The following KLHL1 variants were observed in gnomAD, a reference collection of about 807,000 sequenced individuals.
KLHL1 encodes kelch-like protein 1.
Under a neutral mutation model 77.7 loss-of-function variants are expected in KLHL1, and 47 were observed. The ratio of observed to expected loss-of-function variants is 0.60; its 90% CI spans 0.48 to 0.77. The LOEUF is 0.77. KLHL1 is among the 30% of genes least tolerant of loss of function. The pLI, the probability that KLHL1 is intolerant of heterozygous loss-of-function variation, is 0.00. For missense variants in KLHL1, 925 were observed against 910.8 expected, an observed-to-expected ratio of 1.02 and a Z score of -0.20; for synonymous variants, 360 against 325.2, an observed-to-expected ratio of 1.11 and a Z score of -1.15.
chr13:69,733,941 G>A (rs1873660752), intron 8 of KLHL1, among the ~76,000 whole-genome samples: 1 of 152,122 alleles, frequency 6.6e-6, no homozygotes, highest in Non-Finnish European at 1.5e-5. Flanking sequence ...GGAAACAACT[G>A]AAATATCCAA....
chr13:69,735,225 C>T (rs1489612267), intron 8 of KLHL1, among the ~76,000 whole-genome samples: 1 of 151,644 alleles, frequency 6.6e-6, no homozygotes, highest in Non-Finnish European at 1.5e-5. Context: ...CAATAAAATA[C>T]TGCCTTTAAC....
intron 3 of KLHL1, among the ~76,000 whole-genome samples, chr13:69,954,563 G>A (rs879850429): frequency 7.3e-5 from 11 of 151,174 alleles, no homozygotes; most frequent in Non-Finnish European, 1.5e-4. Context: ...TCAAAACCCA[G>A]AAAATAACTG....
At chr13:69,913,665 G>C (rs1256882919) in intron 4 of KLHL1, among the ~76,000 whole-genome samples, 1 of 152,176 alleles carries the variant, frequency 6.6e-6, no homozygotes, top group Admixed American at 6.5e-5. Flanking sequence ...CAACACATTT[G>C]ACACTAGGAG....
intron 7 of KLHL1, among the ~76,000 whole-genome samples, chr13:69,792,672 G>A (rs1353893425): frequency 6.6e-6 from 1 of 152,114 alleles, no homozygotes; most frequent in African/African-American, 2.4e-5. Context: ...AACAAATGTG[G>A]TAAAGCTTAA....
intron 1 of KLHL1, among the ~76,000 whole-genome samples, chr13:70,073,907 C>A (rs1887199880): frequency 6.6e-6 from 1 of 151,844 alleles, no homozygotes; most frequent in African/African-American, 2.4e-5. Context: ...CTCACCGCAG[C>A]CTCCACCTCC....
chr13:70,003,076 A>T (rs556600285), intron 1 of KLHL1, among the ~76,000 whole-genome samples: 76 of 151,870 alleles, frequency 5.0e-4, no homozygotes, highest in Admixed American at 3.0e-3. Context: ...AAAAGTGAAC[A>T]AAATATATTT....
intron 6 of KLHL1, among the ~76,000 whole-genome samples, chr13:69,828,496 C>T (rs1173840371): frequency 6.7e-6 from 1 of 150,106 alleles, no homozygotes; most frequent in Non-Finnish European, 1.5e-5. Context: ...TCCAGTTGAA[C>T]TTTCTAATAA....
intron 7 of KLHL1, among the ~76,000 whole-genome samples, chr13:69,757,447 G>C: frequency 6.6e-6 from 1 of 152,018 alleles, no homozygotes; most frequent in East Asian, 1.9e-4. Context: ...TAACTCAAAG[G>C]TTAAGCATCA....
intron 1 of KLHL1, among the ~76,000 whole-genome samples, chr13:69,988,310 T>C (rs998685428): frequency 2.6e-5 from 4 of 152,224 alleles, no homozygotes; most frequent in Admixed American, 1.3e-4. Context: ...TTTTTCATGG[T>C]TGCATACTAT....
chr13:69,709,473 G>T (rs557361793), intron 9 of KLHL1, among the ~76,000 whole-genome samples: 1 of 151,948 alleles, frequency 6.6e-6, no homozygotes, highest in Non-Finnish European at 1.5e-5. Flanking sequence ...AGTTAAATGC[G>T]AGTTAGAAAT....
chr13:69,896,402 G>T (rs1881642172), intron 4 of KLHL1, among the ~76,000 whole-genome samples: 1 of 152,056 alleles, frequency 6.6e-6, no homozygotes, highest in Admixed American at 6.6e-5. Flanking sequence ...CACAGTAATA[G>T]CTAGATAAGT....
intron 4 of KLHL1, among the ~76,000 whole-genome samples, chr13:69,932,655 C>T (rs1027972001): frequency 6.6e-6 from 1 of 151,692 alleles, no homozygotes; most frequent in African/African-American, 2.4e-5. Flanking sequence ...CCTACTGTAC[C>T]TAAGATATTT....
At position 69,954,397 on chromosome 13, in the gene KLHL1, G is replaced by A. The variant is rs955290244; in HGVS notation, c.817+6911C>T. Reference sequence around the variant, plus strand: ...GGTACCCTGAACACTTGGAAAAATGGTGATTGAATTCAATTCAATGATTCA... The same window carrying A: ...GGTACCCTGAACACTTGGAAAAATGATGATTGAATTCAATTCAATGATTCA... On this transcript the variant is annotated intron_variant, in intron 3 of 10. Coordinates refer to ENST00000377844, the MANE Select transcript of KLHL1 (RefSeq NM_020866.3). Among the ~76,000 whole-genome samples the A allele has an allele frequency of 3.3e-5, 5 of 151,394 alleles. No homozygotes were observed. The South Asian group carries it at 1.0e-3, about 31-fold the overall frequency.
intron 5 of KLHL1, among the ~76,000 whole-genome samples, chr13:69,859,576 G>A (rs1381198378): frequency 2.4e-4 from 37 of 152,000 alleles, no homozygotes; most frequent in Admixed American, 2.4e-3. Context: ...CAATATCCCT[G>A]TGAATGAATT....
intron 1 of KLHL1, among the ~76,000 whole-genome samples, chr13:70,040,940 C>G (rs1035635317): frequency 6.6e-6 from 1 of 152,102 alleles, no homozygotes; most frequent in Admixed American, 6.5e-5. Context: ...TCTTTTCTCT[C>G]TGTTTGTTTT....
chr13:69,929,770 T>C (rs1882939183), intron 4 of KLHL1, among the ~76,000 whole-genome samples: 1 of 151,914 alleles, frequency 6.6e-6, no homozygotes, highest in African/African-American at 2.4e-5. Context: ...CACAAAACTA[T>C]TTGCACGGGA....
intron 1 of KLHL1, among the ~76,000 whole-genome samples, chr13:70,090,649 A>G (rs1887650678): frequency 6.6e-6 from 1 of 152,026 alleles, no homozygotes; most frequent in African/African-American, 2.4e-5. Flanking sequence ...AAGGCACAGA[A>G]AGAAGATCTG....
intron 9 of KLHL1, among the ~76,000 whole-genome samples, chr13:69,717,216 T>C (rs555906756): frequency 5.9e-5 from 9 of 152,296 alleles, no homozygotes; most frequent in African/African-American, 2.2e-4. Flanking sequence ...AAACATAGCA[T>C]TGCACACTAT....
At chr13:69,961,241 T>C in intron 3 of KLHL1, 67 bp downstream of exon 3, 2 of 1,467,258 alleles carry the variant, frequency 1.4e-6, no homozygotes, top group South Asian at 2.5e-5. Context: ...CGTTAAATCC[T>C]GTACTTAAAG....
Sources: allele counts gnomAD v4.1 joint callset (sites outside exome capture counted in the v4.1 genomes callset), GRCh38; gene constraint gnomAD v4.1.1; transcripts MANE v1.5; gene names NCBI Gene and HGNC (gene_info 2026-07-23, HGNC 2026-07-21).